The following GPM6A variants were observed in gnomAD, a reference collection of about 807,000 sequenced individuals.
GPM6A encodes the protein glycoprotein M6A.
In GPM6A, 7 loss-of-function variants were observed where a neutral mutation model predicts 32.1. The ratio of observed to expected loss-of-function variants is 0.22; its 90% CI spans 0.12 to 0.41. The LOEUF is 0.41. Among genes scored for constraint, GPM6A ranks in the 10% least tolerant of loss-of-function variants. The pLI is 1.00. For synonymous variants in GPM6A, 130 were observed against 123.4 expected (o/e 1.05, Z -0.35); for missense variants, 235 against 347.2 (o/e 0.68, Z 2.57).
At chr4:175,850,335 GA>G (rs1482162363) in intron 1 of GPM6A, among the ~76,000 whole-genome samples, 1 of 152,062 alleles carries the variant, frequency 6.6e-6, no homozygotes, top group Non-Finnish European at 1.5e-5. Flanking sequence ...CAAGACAGAG[GA>G]AAAAATGGAA....
intron 1 of GPM6A, among the ~76,000 whole-genome samples, chr4:175,887,049 T>A (rs1056911025): frequency 6.6e-6 from 1 of 152,022 alleles, no homozygotes; most frequent in Non-Finnish European, 1.5e-5. Flanking sequence ...AAAGTCATTG[T>A]TATAGAATAC....
intron 1 of GPM6A, among the ~76,000 whole-genome samples, chr4:175,917,501 T>C (rs1420116377): frequency 6.6e-6 from 1 of 152,092 alleles, no homozygotes; most frequent in Non-Finnish European, 1.5e-5. Flanking sequence ...AGGTAACATA[T>C]GACCTAACAA....
intron 1 of GPM6A, among the ~76,000 whole-genome samples, chr4:175,958,044 C>A (rs1035439888): frequency 4.6e-5 from 7 of 152,168 alleles, no homozygotes; most frequent in Non-Finnish European, 1.0e-4. Context: ...AGGCACCCAC[C>A]ACCATGCCTG....
chr4:175,846,072 A>G (rs1369136373), intron 1 of GPM6A, among the ~76,000 whole-genome samples: 1 of 151,928 alleles, frequency 6.6e-6, no homozygotes, highest in African/African-American at 2.4e-5. Flanking sequence ...CCCCATAAGA[A>G]TTGTTCTTTT....
At chr4:175,883,400 A>G (rs1442958731) in intron 1 of GPM6A, among the ~76,000 whole-genome samples, 2 of 152,150 alleles carry the variant, frequency 1.3e-5, no homozygotes, top group Non-Finnish European at 2.9e-5. Context: ...ATTATCTTGC[A>G]ATATCCAATC....
chr4:175,925,584 C>G (rs1182413859), intron 1 of GPM6A, among the ~76,000 whole-genome samples: 1 of 151,200 alleles, frequency 6.6e-6, no homozygotes, highest in Non-Finnish European at 1.5e-5. Flanking sequence ...TTAAAATGTT[C>G]ATCGACAAAA....
chr4:175,834,662 T>A (rs953187314), intron 1 of GPM6A, among the ~76,000 whole-genome samples: 1 of 152,148 alleles, frequency 6.6e-6, no homozygotes, highest in Admixed American at 6.5e-5. Flanking sequence ...AAACAACTGT[T>A]TATAAGTTTA....
At chr4:175,730,353 C>G (rs530045462) in intron 1 of GPM6A, among the ~76,000 whole-genome samples, 1 of 152,202 alleles carries the variant, frequency 6.6e-6, no homozygotes, top group African/African-American at 2.4e-5. Context: ...AGCAATTCGC[C>G]TGCCTCAGCC....
chr4:175,899,779 A>C (rs929877825), intron 1 of GPM6A, among the ~76,000 whole-genome samples: 5 of 152,076 alleles, frequency 3.3e-5, no homozygotes, highest in Non-Finnish European at 4.4e-5. Flanking sequence ...CACAAAAAAA[A>C]ATGGGGAAAA....
chr4:175,821,145 T>C (rs750734598), intron 1 of GPM6A, among the ~76,000 whole-genome samples: 1 of 152,180 alleles, frequency 6.6e-6, no homozygotes, highest in African/African-American at 2.4e-5. Flanking sequence ...ACGTCTTCTA[T>C]ACTTAGTAAT....
At chr4:175,838,924 A>G (rs1446882040) in intron 1 of GPM6A, among the ~76,000 whole-genome samples, 1 of 152,090 alleles carries the variant, frequency 6.6e-6, no homozygotes, top group Non-Finnish European at 1.5e-5. Flanking sequence ...TCAGCCTCCC[A>G]AAGTGCTGGG....
intron 1 of GPM6A, among the ~76,000 whole-genome samples, chr4:175,972,201 A>T (rs1337630939): frequency 6.6e-6 from 1 of 152,216 alleles, no homozygotes; most frequent in Non-Finnish European, 1.5e-5. Context: ...AAAGTCAGCT[A>T]CTAAAAGCAA....
chr4:175,758,756 T>A (rs1732627867), intron 1 of GPM6A, among the ~76,000 whole-genome samples: 1 of 151,968 alleles, frequency 6.6e-6, no homozygotes, highest in Non-Finnish European at 1.5e-5. Flanking sequence ...CATCCTGCTG[T>A]CCTCTACTGA....
At chr4:175,912,252 A>G (rs954256995) in intron 1 of GPM6A, among the ~76,000 whole-genome samples, 8 of 152,196 alleles carry the variant, frequency 5.3e-5, no homozygotes, top group African/African-American at 1.9e-4. Flanking sequence ...ATTTTTAAAC[A>G]TGTTTAAATA....
chr4:175,782,829 T>G (rs1447004940), intron 1 of GPM6A, among the ~76,000 whole-genome samples: 1 of 152,092 alleles, frequency 6.6e-6, no homozygotes, highest in Non-Finnish European at 1.5e-5. Flanking sequence ...ATACACGATG[T>G]TACCGTTTGA....
At chr4:175,838,605 CTT>C (rs1735844429) in intron 1 of GPM6A, among the ~76,000 whole-genome samples, 1 of 145,122 alleles carries the variant, frequency 6.9e-6, no homozygotes, top group Non-Finnish European at 1.5e-5. Context: ...ATTAGGAAAA[CTT>C]TATGTGAACA....
At chr4:175,640,504 A>G (rs1411862074) in intron 5 of GPM6A, among the ~76,000 whole-genome samples, 2 of 152,162 alleles carry the variant, frequency 1.3e-5, no homozygotes, top group Non-Finnish European at 2.9e-5. Context: ...CAACTTCATC[A>G]TGTTTTCAGC....
chr4:175,833,705 A>T (rs1397782842), intron 1 of GPM6A, among the ~76,000 whole-genome samples: 1 of 152,148 alleles, frequency 6.6e-6, no homozygotes, highest in Admixed American at 6.6e-5. Flanking sequence ...GTCATAGCAG[A>T]AACTGTGATT....
chr4:175,749,677 G>GT (rs1297335972), intron 1 of GPM6A, among the ~76,000 whole-genome samples: 15 of 152,262 alleles, frequency 9.9e-5, no homozygotes, highest in Non-Finnish European at 1.6e-4. Context: ...ACATATTTCT[G>GT]TAGGACACCA....
Sources: gnomAD v4.1 joint callset for allele counts (sites outside exome capture counted in the v4.1 genomes callset) on GRCh38, gnomAD v4.1.1 for gene constraint, MANE v1.5 for transcripts, NCBI Gene and HGNC (gene_info 2026-07-23, HGNC 2026-07-21) for gene names.